The following COLQ variants were observed in gnomAD, a reference collection of about 807,000 sequenced individuals.
The protein encoded by COLQ is collagen like tail subunit of asymmetric acetylcholinesterase, also known as acetylcholinesterase collagenic tail peptide.
Under a neutral mutation model 69.0 loss-of-function variants are expected in COLQ, and 48 were observed. The ratio of observed to expected loss-of-function variants is 0.70; its 90% CI spans 0.55 to 0.88. The LOEUF (loss-of-function observed/expected upper bound fraction) is 0.88, where lower values mean the gene tolerates loss of function less well. Among genes scored for constraint, COLQ ranks in the 40% least tolerant of loss-of-function variants. The probability of loss-of-function intolerance (pLI) is 0.00; values close to 1 mark genes in which losing one functional copy is unlikely to be tolerated. For missense variants in COLQ, 618 were observed against 594.6 expected, an observed-to-expected ratio of 1.04 and a Z score of -0.41; for synonymous variants, 217 against 211.2, an observed-to-expected ratio of 1.03 and a Z score of -0.24.
At chr3:15,497,838 T>C (rs2062768140) in intron 1 of COLQ, among the ~76,000 whole-genome samples, 1 of 151,954 alleles carries the variant, frequency 6.6e-6, no homozygotes, top group East Asian at 1.9e-4. Context: ...TGCCCAAAAT[T>C]CCCCCCAATT....
intron 3 of COLQ, among the ~76,000 whole-genome samples, chr3:15,484,231 T>C (rs1404189968): frequency 2.0e-5 from 3 of 152,218 alleles, no homozygotes; most frequent in Admixed American, 2.0e-4. Flanking sequence ...AATATTGTTA[T>C]GTGTGAATTT....
Position 15,465,280 on chromosome 3 carries a change from ATTTT to A in COLQ, c.814+1057_814+1060del, listed in dbSNP as rs1422733850. Among the ~76,000 whole-genome samples, 36 of 147,830 alleles carry A rather than the reference ATTTT, an allele frequency of 2.4e-4. No homozygotes were observed. In the East Asian group the frequency reaches 7.2e-3, roughly 29 times the overall value. ...TATTTATTTATTTATTTATTTATTT[ATTTT>A]GAGATGGAGTCTCGCTCTGTCACCC... On this transcript the variant is annotated intron_variant, in intron 12 of 16. Transcript: ENST00000383788.
chr3:15,494,888 A>G (rs1436894322), intron 1 of COLQ, among the ~76,000 whole-genome samples: 2 of 152,168 alleles, frequency 1.3e-5, no homozygotes, highest in Non-Finnish European at 2.9e-5. Flanking sequence ...CAAACACCAC[A>G]TGCAAGGCAC....
chr3:15,495,800 G>A (rs1297081316), intron 1 of COLQ, among the ~76,000 whole-genome samples: 2 of 152,206 alleles, frequency 1.3e-5, no homozygotes, highest in African/African-American at 4.8e-5. Flanking sequence ...AAGTTTCCTA[G>A]AGTGTTGAGT....
At chr3:15,453,452 G>C (rs2061977794) in intron 16 of COLQ, among the ~76,000 whole-genome samples, 1 of 152,214 alleles carries the variant, frequency 6.6e-6, no homozygotes, top group African/African-American at 2.4e-5. Context: ...GAAATGCCCT[G>C]AGACCTTTAC....
At chr3:15,512,039 C>T (rs2062993907) in intron 1 of COLQ, among the ~76,000 whole-genome samples, 1 of 152,166 alleles carries the variant, frequency 6.6e-6, no homozygotes, top group African/African-American at 2.4e-5. Context: ...CCCAAGAAGC[C>T]CCATGCCAGG....
chr3:15,498,185 A>C (rs1053402765), intron 1 of COLQ, among the ~76,000 whole-genome samples: 1 of 152,162 alleles, frequency 6.6e-6, no homozygotes, highest in African/African-American at 2.4e-5. Context: ...CCAAGGTACC[A>C]GCTGCCAGCA....
chr3:15,484,316 T>C (rs963981669), intron 3 of COLQ, among the ~76,000 whole-genome samples: 1 of 152,236 alleles, frequency 6.6e-6, no homozygotes, highest in Non-Finnish European at 1.5e-5. Context: ...TTGATGGTCT[T>C]TACCGTTTGG....
chr3:15,483,356 A>G (rs1041241266), intron 3 of COLQ, among the ~76,000 whole-genome samples: 8 of 152,296 alleles, frequency 5.3e-5, no homozygotes, highest in African/African-American at 1.9e-4. Context: ...ATTTAGTGCT[A>G]TAAATTTCCC....
At chr3:15,505,960 G>T (rs763648721) in intron 1 of COLQ, among the ~76,000 whole-genome samples, 4 of 152,098 alleles carry the variant, frequency 2.6e-5, no homozygotes, top group African/African-American at 4.8e-5. Flanking sequence ...CCACCTCCAG[G>T]ATCTATTGTC....
chr3:15,504,816 C>T (rs2062883866), intron 1 of COLQ, among the ~76,000 whole-genome samples: 1 of 152,214 alleles, frequency 6.6e-6, no homozygotes, highest in Non-Finnish European at 1.5e-5. Flanking sequence ...GCCGAGATTG[C>T]ACCACTGCAC....
At position 15,456,565 on chromosome 3, in the gene COLQ, G is replaced by C; in HGVS notation, c.969C>G (p.Asn323Lys). 2.5e-6 allele frequency: 4 copies of C among 1,614,102 alleles called. No homozygotes were observed. Among genetic ancestry groups the C allele is most frequent in the Non-Finnish European group, 3.4e-6 (4 of 1,180,018 alleles). ...SPRVPVIFVV[N>K]NQEELERLNT... ...TCAGCCTCTCAAGCTCCTCCTGGTT[G>C]TTGACCACAAAAATCTGCCAGAGAA... The change falls in exon 14 of 17, where the codon AAC becomes AAG. Residue 323 changes from asparagine to lysine, a missense_variant. Physicochemically the swap from Asn to Lys is moderately conservative, Grantham distance 94 (BLOSUM62 0). Coordinates refer to ENST00000383788, the MANE Select transcript of COLQ (RefSeq NM_005677.4).
intron 1 of COLQ, among the ~76,000 whole-genome samples, chr3:15,502,051 G>A (rs1371610167): frequency 6.6e-6 from 1 of 150,918 alleles, no homozygotes; most frequent in East Asian, 1.9e-4. Context: ...GGAGAGTCTT[G>A]TAGAAGACTA....
chr3:15,518,422 G>T (rs971692716), intron 1 of COLQ, among the ~76,000 whole-genome samples: 10 of 152,150 alleles, frequency 6.6e-5, no homozygotes, highest in African/African-American at 2.4e-4. Flanking sequence ...TATTAGAGTG[G>T]TGCCCAAAGT....
chr3:15,519,621 T>C (rs1349429936), intron 1 of COLQ, among the ~76,000 whole-genome samples: 1 of 152,188 alleles, frequency 6.6e-6, no homozygotes, highest in Non-Finnish European at 1.5e-5. Context: ...CCTCTCAAAG[T>C]GATCCCTTCA....
intron 16 of COLQ, among the ~76,000 whole-genome samples, 165 bp downstream of exon 16, chr3:15,453,664 G>A (rs1219294781): frequency 2.0e-5 from 3 of 152,216 alleles, no homozygotes; most frequent in Non-Finnish European, 4.4e-5. Context: ...AAGAGGGCAC[G>A]TGGTAGGCAG....
intron 15 of COLQ, among the ~76,000 whole-genome samples, chr3:15,455,395 C>A (rs1209636416): frequency 6.6e-6 from 1 of 152,226 alleles, no homozygotes; most frequent in Non-Finnish European, 1.5e-5. Context: ...CCCTCCAGAG[C>A]CTGCTGCCTA....
At chr3:15,487,611 C>T (rs1220820528) in intron 3 of COLQ, among the ~76,000 whole-genome samples, 1 of 152,254 alleles carries the variant, frequency 6.6e-6, no homozygotes, top group East Asian at 1.9e-4. Flanking sequence ...CTGTCCCTCA[C>T]CGATGGAGCA....
chr3:15,500,503 A>G (rs1183462252), intron 1 of COLQ, among the ~76,000 whole-genome samples: 1 of 152,192 alleles, frequency 6.6e-6, no homozygotes, highest in African/African-American at 2.4e-5. Context: ...TGACATATGT[A>G]AACCACTCAG....
Sources: allele counts gnomAD v4.1 joint callset (sites outside exome capture counted in the v4.1 genomes callset), GRCh38; gene constraint gnomAD v4.1.1; transcripts MANE v1.5; gene names NCBI Gene and HGNC (gene_info 2026-07-23, HGNC 2026-07-21).